LIPC: variants seen among roughly 807,000 people sequenced by gnomAD.
LIPC encodes hepatic triacylglycerol lipase.
In LIPC, 44 loss-of-function variants were observed where a neutral mutation model predicts 50.7. The ratio of observed to expected loss-of-function variants is 0.87; its 90% CI spans 0.68 to 1.11. The LOEUF (loss-of-function observed/expected upper bound fraction) is 1.11, where lower values mean the gene tolerates loss of function less well. LIPC is among the 50% of genes most tolerant of loss of function. The probability of loss-of-function intolerance (pLI) is 0.00; values close to 1 mark genes in which losing one functional copy is unlikely to be tolerated. For synonymous variants in LIPC, 271 were observed against 256.4 expected (o/e 1.06, Z -0.54); for missense variants, 697 against 648.2 (o/e 1.08, Z -0.82).
At chr15:58,485,783 A>G (rs796891948) in intron 1 of LIPC, among the ~76,000 whole-genome samples, 6 of 152,350 alleles carry the variant, frequency 3.9e-5, no homozygotes, top group African/African-American at 1.4e-4. Flanking sequence ...TCCCAGCCAC[A>G]CTGAGGGAGA....
At chr15:58,460,086 C>A (rs186464066) in intron 1 of LIPC, among the ~76,000 whole-genome samples, 105 of 152,298 alleles carry the variant, frequency 6.9e-4, no homozygotes, top group Admixed American at 2.0e-3. Flanking sequence ...GTCTGAGCAC[C>A]CTGTAGGGCT....
At chr15:58,530,463 A>G (rs1292997307) in intron 1 of LIPC, among the ~76,000 whole-genome samples, 1 of 152,254 alleles carries the variant, frequency 6.6e-6, no homozygotes, top group Non-Finnish European at 1.5e-5. Context: ...TTATGCAAGT[A>G]ACTACCACAG....
chr15:58,563,474 G>T (rs1320382647), intron 7 of LIPC, 31 bp from the exon 8 acceptor site: 7 of 1,561,758 alleles, frequency 4.5e-6, no homozygotes, highest in South Asian at 2.2e-5. Context: ...CGACTAAACT[G>T]ATTGTGTCTG....
intron 1 of LIPC, among the ~76,000 whole-genome samples, chr15:58,538,125 G>T (rs1377610361): frequency 6.6e-6 from 1 of 152,164 alleles, no homozygotes; most frequent in Non-Finnish European, 1.5e-5. Context: ...AGGATCTGGT[G>T]ATCTCAACCT....
chr15:58,442,446 C>T (rs6494007), intron 1 of LIPC, among the ~76,000 whole-genome samples: 11,113 of 152,178 alleles, frequency 0.073, 946 homozygotes, highest in East Asian at 0.26. Flanking sequence ...ATTTCTTGCC[C>T]GGAACTGTTT....
chr15:58,487,253 C>T (rs1452086233), intron 1 of LIPC, among the ~76,000 whole-genome samples: 1 of 152,168 alleles, frequency 6.6e-6, no homozygotes, highest in African/African-American at 2.4e-5. Flanking sequence ...TCTTAAGTAG[C>T]TAATGACTTA....
At chr15:58,519,133 G>A (rs1289194407) in intron 1 of LIPC, among the ~76,000 whole-genome samples, 4 of 152,136 alleles carry the variant, frequency 2.6e-5, no homozygotes, top group African/African-American at 7.2e-5. Context: ...CTTCAGCCAA[G>A]CGCAGTGGCT....
intron 1 of LIPC, among the ~76,000 whole-genome samples, chr15:58,440,921 A>G (rs1893486304): frequency 6.6e-6 from 1 of 152,176 alleles, no homozygotes. Context: ...GGGTACATAA[A>G]AAGAAGTGGC....
chr15:58,498,533 G>T (rs1891857061), intron 1 of LIPC: 1 of 152,134 alleles, frequency 6.6e-6, no homozygotes. Flanking sequence ...ACAGGGTGCA[G>T]TATATCCCTG....
intron 1 of LIPC, among the ~76,000 whole-genome samples, chr15:58,440,370 C>T (rs1227868568): frequency 6.6e-6 from 1 of 152,178 alleles, no homozygotes; most frequent in Non-Finnish European, 1.5e-5. Context: ...CAAAAACTTT[C>T]CAGTGACAAA....
chr15:58,465,583 C>A (rs571074881), intron 1 of LIPC, among the ~76,000 whole-genome samples: 3 of 152,176 alleles, frequency 2.0e-5, no homozygotes, highest in Admixed American at 1.3e-4. Context: ...GTGTAGATTA[C>A]GGGTCAGAAC....
At chr15:58,499,092 T>G (rs184591187) in intron 1 of LIPC, among the ~76,000 whole-genome samples, 2 of 152,132 alleles carry the variant, frequency 1.3e-5, no homozygotes, top group African/African-American at 4.8e-5. Flanking sequence ...GTGGGAAGAA[T>G]GGAGAGACAG....
At chr15:58,529,017 G>A (rs1217365425) in intron 1 of LIPC, among the ~76,000 whole-genome samples, 1 of 152,172 alleles carries the variant, frequency 6.6e-6, no homozygotes, top group Non-Finnish European at 1.5e-5. Flanking sequence ...TGACTGTGAT[G>A]TCGAAGGTCC....
intron 6 of LIPC, among the ~76,000 whole-genome samples, chr15:58,555,721 C>T (rs1893921126): frequency 6.6e-6 from 1 of 152,192 alleles, no homozygotes; most frequent in Non-Finnish European, 1.5e-5. Flanking sequence ...CCAACAAGGA[C>T]TGAGGCGACT....
At chr15:58,549,049 C>T (rs1467688395) in intron 6 of LIPC, among the ~76,000 whole-genome samples, 2 of 152,124 alleles carry the variant, frequency 1.3e-5, no homozygotes, top group Admixed American at 6.5e-5. Flanking sequence ...TGATATTCAC[C>T]CTGAGGCACT....
At chr15:58,444,237 G>T (rs1391061793) in intron 1 of LIPC, among the ~76,000 whole-genome samples, 1 of 152,156 alleles carries the variant, frequency 6.6e-6, no homozygotes, top group African/African-American at 2.4e-5. Context: ...TTAATGATTG[G>T]GAAGGTGTTA....
intron 1 of LIPC, among the ~76,000 whole-genome samples, chr15:58,468,085 G>T (rs1158238315): frequency 6.6e-6 from 1 of 152,164 alleles, no homozygotes; most frequent in East Asian, 1.9e-4. Flanking sequence ...AAAGCCCAGT[G>T]ATTACTCATT....
intron 1 of LIPC, among the ~76,000 whole-genome samples, chr15:58,517,591 T>A (rs1388212774): frequency 1.3e-5 from 2 of 152,136 alleles, no homozygotes; most frequent in African/African-American, 4.8e-5. Flanking sequence ...CTGCCCACAG[T>A]TCCAGGAAAC....
At chr15:58,551,135 C>A (rs1228487113) in intron 6 of LIPC, among the ~76,000 whole-genome samples, 1 of 152,092 alleles carries the variant, frequency 6.6e-6, no homozygotes, top group African/African-American at 2.4e-5. Context: ...CTGTGCCCAG[C>A]CCATACCCTC....
Sources: gnomAD v4.1 joint callset for allele counts (sites outside exome capture counted in the v4.1 genomes callset) on GRCh38, gnomAD v4.1.1 for gene constraint, MANE v1.5 for transcripts, NCBI Gene and HGNC (gene_info 2026-07-23, HGNC 2026-07-21) for gene names.